The following PCDHA2 variants were observed in gnomAD, a reference collection of about 807,000 sequenced individuals.
The protein encoded by PCDHA2 is protocadherin alpha-2.
PCDHA2 carries 58 observed loss-of-function variants against 66.0 expected under a neutral mutation model. That is an observed-to-expected ratio of 0.88 (90% CI 0.71 to 1.09). The LOEUF is 1.09. Ranked by LOEUF, PCDHA2 falls within the 50% of genes least tolerant of loss-of-function variation. The probability of loss-of-function intolerance (pLI) is 0.00; values close to 1 mark genes in which losing one functional copy is unlikely to be tolerated. For synonymous variants in PCDHA2, 634 were observed against 554.0 expected (o/e 1.14, Z -2.03); for missense variants, 1,267 against 1,242.3 (o/e 1.02, Z -0.30).
At chr5:140,883,978 T>G in intron 1 of PCDHA2, 1 of 1,612,780 alleles carries the variant, frequency 6.2e-7, no homozygotes, top group Non-Finnish European at 8.5e-7. Flanking sequence ...CGCCCGGGGC[T>G]GGCAGCGCGG....
At chr5:140,876,499 G>T in intron 1 of PCDHA2, 1 of 1,614,028 alleles carries the variant, frequency 6.2e-7, no homozygotes, top group South Asian at 1.1e-5. Flanking sequence ...AGTTCTGGAC[G>T]TGAATGACAA....
At chr5:140,996,431 T>C (rs1294673547) in intron 3 of PCDHA2, among the ~76,000 whole-genome samples, 1 of 152,182 alleles carries the variant, frequency 6.6e-6, no homozygotes, top group African/African-American at 2.4e-5. Flanking sequence ...ACTTTGGGAA[T>C]AGTCAGTGTC....
At chr5:140,819,454 G>A (rs2150104376) in intron 1 of PCDHA2, among the ~76,000 whole-genome samples, 76,209 of 151,886 alleles carry the variant, frequency 0.5, 19,326 homozygotes, top group Middle Eastern at 0.62. Context: ...TTTTCTCAAG[G>A]AAGAACTTCT....
At chr5:140,828,394 G>T in intron 1 of PCDHA2, 1 of 1,614,292 alleles carries the variant, frequency 6.2e-7, no homozygotes, top group Non-Finnish European at 8.5e-7. Flanking sequence ...GGAGCGCGGA[G>T]TGCAGCATCC....
At chr5:140,801,732 A>G (rs1762771871) in intron 1 of PCDHA2, 1 of 1,613,978 alleles carries the variant, frequency 6.2e-7, no homozygotes, top group Non-Finnish European at 8.5e-7. Flanking sequence ...TGAATATTTT[A>G]CCTTGGACGT....
chr5:140,891,970 C>G (rs1554185021), intron 1 of PCDHA2, among the ~76,000 whole-genome samples: 1 of 152,170 alleles, frequency 6.6e-6, no homozygotes, highest in East Asian at 1.9e-4. Flanking sequence ...AGTAAATTTC[C>G]GTTCTCATAA....
intron 1 of PCDHA2, chr5:140,871,170 G>A (rs2052777446): frequency 1.2e-6 from 2 of 1,613,536 alleles, no homozygotes; most frequent in Non-Finnish European, 1.7e-6. Context: ...CGAGCCCAGA[G>A]GCTGCGCTGG....
chr5:140,850,258 G>A, intron 1 of PCDHA2: 1 of 1,594,156 alleles, frequency 6.3e-7, no homozygotes, highest in South Asian at 1.1e-5. Flanking sequence ...GTGGGCGCCG[G>A]CGTAGTGGTG....
At chr5:140,797,457 A>G (rs782741709) in intron 1 of PCDHA2, 105 bp downstream of exon 1, 2 of 1,299,104 alleles carry the variant, frequency 1.5e-6, no homozygotes, top group Non-Finnish European at 2.1e-6. Context: ...TTTATTTTAT[A>G]TCATCCTACC....
intron 1 of PCDHA2, chr5:140,969,021 C>T (rs2096289420): frequency 8.1e-6 from 13 of 1,614,146 alleles, no homozygotes; most frequent in Non-Finnish European, 1.1e-5. Context: ...AGGGAAAGGT[C>T]CCCTGCAGAA....
In PCDHA2 at chr5:140,989,027, CATT is replaced by C. The variant is rs1413017003; in HGVS notation, c.2536+6465_2536+6467del. The C allele has an allele frequency of 1.4e-4, 22 of 152,178 alleles. 1 individual carries two copies. The highest frequency in any genetic ancestry group is 1.4e-3 in the Admixed American group (22 of 15,274). The allele number at this position is 152,178 out of a possible 1,614,324, so 9.4% of individuals were successfully genotyped here. A position where few individuals can be genotyped will look rare whatever the true frequency, so the allele number is the denominator to read the frequency against. ...GACTTATTATAGTTTCTTCAGTTAT[CATT>C]GATTCCTTTAATATGCCAGCTACAT... On this transcript the variant is annotated intron_variant, in intron 3 of 3. Transcript: ENST00000526136.
intron 1 of PCDHA2, chr5:140,863,395 G>A: frequency 1.1e-6 from 1 of 921,404 alleles, no homozygotes; most frequent in Non-Finnish European, 1.7e-6. Flanking sequence ...GTGCATGCCG[G>A]GCAAGCCCAC....
At chr5:140,828,538 TTC>T in intron 1 of PCDHA2, 1 of 1,614,218 alleles carries the variant, frequency 6.2e-7, no homozygotes, top group East Asian at 2.2e-5. Flanking sequence ...GGCTGCCAGA[TTC>T]TGTGTTTCCA....
chr5:140,836,399 C>G (rs2150259749), intron 1 of PCDHA2: 9 of 1,613,764 alleles, frequency 5.6e-6, no homozygotes, highest in Non-Finnish European at 7.6e-6. Context: ...TGGTGGAAAG[C>G]GGCCAGGCAC....
intron 1 of PCDHA2, among the ~76,000 whole-genome samples, chr5:140,947,353 A>G (rs1041468487): frequency 4.6e-5 from 7 of 151,616 alleles, no homozygotes; most frequent in African/African-American, 1.7e-4. Context: ...TCTGGACTCT[A>G]TTTCACTCCT....
chr5:140,801,536 G>T, intron 1 of PCDHA2: 1 of 1,614,262 alleles, frequency 6.2e-7, no homozygotes, highest in Non-Finnish European at 8.5e-7. Flanking sequence ...TGGACAGGCC[G>T]CTGCAGGTTT....
At chr5:140,830,567 G>C (rs1771136580) in intron 1 of PCDHA2, 1 of 950,998 alleles carries the variant, frequency 1.1e-6, no homozygotes, top group South Asian at 3.4e-5. Flanking sequence ...CTATATTTCT[G>C]TTTTTAATTT....
rs371795952 is a variant in PCDHA2 at position 140,857,797 on chromosome 5, G to T, written c.2388+60445G>T. ...CAGTCAGTGAGCTGGTGCTGCGGTC[G>T]GTGGTTGCGGGTCACGTGGTGGCTA... On this transcript the variant is annotated intron_variant, in intron 1 of 3. Transcript: ENST00000526136. 12 of 1,597,706 alleles carry T rather than the reference G, an allele frequency of 7.5e-6. 1 individual carries two copies. In the East Asian group the frequency reaches 1.6e-4, roughly 21 times the overall value.
chr5:140,806,669 A>C (rs56325962), intron 1 of PCDHA2, among the ~76,000 whole-genome samples: 8,181 of 152,124 alleles, frequency 0.054, 721 homozygotes, highest in African/African-American at 0.19. Context: ...ATAAAAAAAA[A>C]CCCTGGAATT....
Sources: allele counts gnomAD v4.1 joint callset (sites outside exome capture counted in the v4.1 genomes callset), GRCh38; gene constraint gnomAD v4.1.1; transcripts MANE v1.5; gene names NCBI Gene and HGNC (gene_info 2026-07-23, HGNC 2026-07-21).